Variants in MATCAP2 observed in about 807,000 individuals in gnomAD.
MATCAP2 encodes putative tyrosine carboxypeptidase MATCAP2.
At chr7:36,369,688 T>C in the MATCAP2 span, among the ~76,000 whole-genome samples, 2 of 152,212 alleles carry the variant, frequency 1.3e-5, no homozygotes, top group Non-Finnish European at 2.9e-5. Flanking sequence ...TTGGTGTTTT[T>C]GGAGTACATA....
At chr7:36,348,504 TG>T in the MATCAP2 span, among the ~76,000 whole-genome samples, 37 of 152,366 alleles carry the variant, frequency 2.4e-4, no homozygotes, top group Middle Eastern at 6.8e-3. Flanking sequence ...ACTTGACCCC[TG>T]GGTCACAAAT....
the MATCAP2 span, chr7:36,366,734 G>T: frequency 6.5e-7 from 1 of 1,535,318 alleles, no homozygotes; most frequent in Non-Finnish European, 8.7e-7. Flanking sequence ...ATAAGGGGCC[G>T]ATTTCTCTCT....
the MATCAP2 span, among the ~76,000 whole-genome samples, chr7:36,358,013 A>G: frequency 6.6e-6 from 1 of 152,132 alleles, no homozygotes; most frequent in Non-Finnish European, 1.5e-5. Context: ...CCTGGCCAAC[A>G]TGGTGAAACC....
the MATCAP2 span, among the ~76,000 whole-genome samples, chr7:36,347,575 G>A: frequency 2.3e-3 from 350 of 152,310 alleles, 1 homozygote; most frequent in African/African-American, 8.1e-3. Context: ...TGGCAAAAGG[G>A]AGATTAAAAT....
chr7:36,373,506 A>C, the MATCAP2 span, among the ~76,000 whole-genome samples: 1 of 152,222 alleles, frequency 6.6e-6, no homozygotes. Flanking sequence ...TCCTGGACCC[A>C]CATGAAGGTC....
the MATCAP2 span, chr7:36,356,789 A>G: frequency 1.1e-6 from 1 of 933,566 alleles, no homozygotes; most frequent in Admixed American, 2.0e-5. Flanking sequence ...GGAATTAACC[A>G]TAACATAGAA....
chr7:36,334,936 AC>A, the MATCAP2 span: 1 of 1,008,298 alleles, frequency 9.9e-7, no homozygotes, highest in South Asian at 1.8e-5. Flanking sequence ...ATTTTCTTCT[AC>A]TAAGAAAATA....
the MATCAP2 span, among the ~76,000 whole-genome samples, chr7:36,381,223 T>C: frequency 5.9e-5 from 9 of 152,168 alleles, no homozygotes; most frequent in Non-Finnish European, 1.0e-4. Context: ...GGAGGCAAGA[T>C]TAGAATCAGG....
the MATCAP2 span, among the ~76,000 whole-genome samples, chr7:36,363,526 A>G: frequency 1.3e-5 from 2 of 152,232 alleles, no homozygotes; most frequent in Admixed American, 6.5e-5. Context: ...CCAACAGTTG[A>G]GCAAACCATC....
chr7:36,381,437 G>A, the MATCAP2 span, among the ~76,000 whole-genome samples: 22 of 152,168 alleles, frequency 1.4e-4, no homozygotes, highest in Non-Finnish European at 3.2e-4. Flanking sequence ...TTGGGAAGCC[G>A]AGGCAGGTGG....
the MATCAP2 span, among the ~76,000 whole-genome samples, chr7:36,361,320 C>CTTTTAGT: frequency 2.0e-5 from 3 of 152,158 alleles, no homozygotes; most frequent in Non-Finnish European, 4.4e-5. Context: ...TGTTTCACAA[C>CTTTTAGT]TGTGAGTAGG....
At chr7:36,335,091 T>G in the MATCAP2 span, 4 of 1,614,032 alleles carry the variant, frequency 2.5e-6, no homozygotes, top group Non-Finnish European at 3.4e-6. Flanking sequence ...TCACGTGCAG[T>G]GGACACATTG....
chr7:36,364,026 G>A, the MATCAP2 span, among the ~76,000 whole-genome samples: 3 of 150,988 alleles, frequency 2.0e-5, no homozygotes, highest in Non-Finnish European at 4.4e-5. Flanking sequence ...GATTTTAGTG[G>A]CTTTGGTATA....
the MATCAP2 span, chr7:36,357,723 T>G: frequency 6.7e-4 from 447 of 667,528 alleles, 1 homozygote; most frequent in African/African-American, 6.9e-3. Flanking sequence ...AAAAAACATT[T>G]TAAATATTAA....
At chr7:36,352,022 A>T in the MATCAP2 span, among the ~76,000 whole-genome samples, 2 of 151,934 alleles carry the variant, frequency 1.3e-5, no homozygotes, top group African/African-American at 4.8e-5. Flanking sequence ...ACATCTATCG[A>T]TATCAAATGT....
At chr7:36,387,736 A>G in the MATCAP2 span, among the ~76,000 whole-genome samples, 1 of 152,212 alleles carries the variant, frequency 6.6e-6, no homozygotes, top group Admixed American at 6.5e-5. Context: ...TAGCTATCTT[A>G]TGCTAGGTGC....
At chr7:36,377,335 G>T in the MATCAP2 span, among the ~76,000 whole-genome samples, 1 of 152,142 alleles carries the variant, frequency 6.6e-6, no homozygotes, top group African/African-American at 2.4e-5. Context: ...GTTTATAAAG[G>T]ATTTTATTTC....
the MATCAP2 span, chr7:36,337,646 C>CTTATTATTATTA: frequency 4.0e-5 from 6 of 151,046 alleles, no homozygotes; most frequent in African/African-American, 9.7e-5. Flanking sequence ...GTTTATTACT[C>CTTATTATTATTA]TTATTATTAT....
chr7:36,331,753 A>C, the MATCAP2 span, among the ~76,000 whole-genome samples: 5 of 152,354 alleles, frequency 3.3e-5, no homozygotes, highest in South Asian at 1.0e-3. Context: ...CTGTTTACAC[A>C]GTGAACCTTT....
Sources: allele counts gnomAD v4.1 joint callset (sites outside exome capture counted in the v4.1 genomes callset), GRCh38; gene constraint gnomAD v4.1.1; transcripts MANE v1.5; gene names NCBI Gene and HGNC (gene_info 2026-07-23, HGNC 2026-07-21).